NAA16: variants seen among roughly 807,000 people sequenced by gnomAD.
NAA16 encodes N-alpha-acetyltransferase 16, NatA auxiliary subunit.
Under a neutral mutation model 110.3 loss-of-function variants are expected in NAA16, and 97 were observed. The ratio of observed to expected loss-of-function variants is 0.88; its 90% CI spans 0.75 to 1.04. The LOEUF is 1.04. Among genes scored for constraint, NAA16 ranks in the 50% least tolerant of loss-of-function variants. The pLI is 0.00. For missense variants in NAA16, 1,017 were observed against 1,005.1 expected (o/e 1.01, Z -0.16); for synonymous variants, 372 against 330.6 (o/e 1.13, Z -1.36).
Position 41,358,836 on chromosome 13 carries a change from A to G in NAA16, c.1284A>G (p.Ala428=). The change falls in exon 12 of 20, where the codon GCA becomes GCG. Residue 428 remains alanine, a synonymous_variant. Transcript: ENST00000379406. ...ATATAGGTAATCTCAAAGAAGCTGC[A>G]AAGTGGATGGATGAAGCACAGTCTT... The part of the protein sequence containing the change: ...YKHIGNLKEA[A]KWMDEAQSLD... The G allele has an allele frequency of 6.2e-7, 1 of 1,606,514 alleles. No homozygotes were observed. The highest frequency in any genetic ancestry group is 8.5e-7 in the Non-Finnish European group (1 of 1,175,096).
At chr13:41,334,185 G>A (rs2042316189) in intron 8 of NAA16, among the ~76,000 whole-genome samples, 1 of 152,096 alleles carries the variant, frequency 6.6e-6, no homozygotes, top group Non-Finnish European at 1.5e-5. Context: ...CAAGAAACAT[G>A]ATGCATCTTG....
At chr13:41,364,089 G>A (rs2043164699) in intron 13 of NAA16, among the ~76,000 whole-genome samples, 1 of 151,958 alleles carries the variant, frequency 6.6e-6, no homozygotes, top group African/African-American at 2.4e-5. Flanking sequence ...GTAATTACAA[G>A]CTTCAGATTT....
chr13:41,371,911 T>C (rs2043326928), intron 15 of NAA16, among the ~76,000 whole-genome samples: 1 of 152,254 alleles, frequency 6.6e-6, no homozygotes, highest in African/African-American at 2.4e-5. Context: ...TAGGGGATTG[T>C]CATTACATGA....
In NAA16 at chr13:41,323,647, C is replaced by T. The variant is rs191518919; in HGVS notation, c.537+457C>T. Among the ~76,000 whole-genome samples the T allele has an allele frequency of 3.6e-3, 540 of 151,462 alleles. 1 individual carries two copies. Among genetic ancestry groups the T allele is most frequent in the African/African-American group, 0.012 (489 of 41,362 alleles). On this transcript the variant is annotated intron_variant, in intron 5 of 19. Coordinates refer to ENST00000379406, the MANE Select transcript of NAA16 (RefSeq NM_024561.5). Reference sequence around the variant, plus strand: ...GATTACAGGCGTGAGCCACCGCGCCCGGCCATTTTTTTTTTTTTTAAGAGA... The same window carrying T: ...GATTACAGGCGTGAGCCACCGCGCCTGGCCATTTTTTTTTTTTTTAAGAGA...
intron 14 of NAA16, 124 bp from the exon 15 acceptor site, chr13:41,368,966 T>G (rs1593529295): frequency 1.5e-6 from 1 of 682,100 alleles, no homozygotes. Flanking sequence ...TTTGTGGGGG[T>G]GGGGGTCATG....
At chr13:41,364,404 C>G (rs777186172) in intron 13 of NAA16, among the ~76,000 whole-genome samples, 1 of 152,028 alleles carries the variant, frequency 6.6e-6, no homozygotes, top group South Asian at 2.1e-4. Flanking sequence ...CATCCCCCCC[C>G]CATAAGATTT....
intron 1 of NAA16, among the ~76,000 whole-genome samples, chr13:41,313,661 C>T (rs973453380): frequency 6.6e-6 from 1 of 152,156 alleles, no homozygotes; most frequent in African/African-American, 2.4e-5. Flanking sequence ...ATCTGCATGT[C>T]TTATTCCCCA....
In NAA16 at chr13:41,372,315, A is replaced by G. The variant is rs2043338129; in HGVS notation, c.2056+4A>G. The G allele has an allele frequency of 1.3e-6, 2 of 1,569,794 alleles. No individual in the cohort carries two copies. The highest frequency in any genetic ancestry group is 8.6e-7 in the Non-Finnish European group (1 of 1,161,338). Reference sequence around the variant, plus strand: ...TTTGAAATATATTTTAGAAAAGGTAATAAATAGTTTGAGTTCAGTTTTTAA... The same window carrying G: ...TTTGAAATATATTTTAGAAAAGGTAGTAAATAGTTTGAGTTCAGTTTTTAA... On this transcript the variant is annotated splice_donor_region_variant and intron_variant, in intron 16 of 19. Transcript: ENST00000379406.
chr13:41,331,835 G>A (rs1426828493), intron 8 of NAA16, among the ~76,000 whole-genome samples: 4 of 152,082 alleles, frequency 2.6e-5, no homozygotes, highest in Non-Finnish European at 4.4e-5. Context: ...TAATCGAGGC[G>A]ATAGGTACCC....
chr13:41,370,404 A>G (rs2043291967), intron 15 of NAA16, among the ~76,000 whole-genome samples: 1 of 152,222 alleles, frequency 6.6e-6, no homozygotes, highest in Non-Finnish European at 1.5e-5. Flanking sequence ...TAAGGAAAAT[A>G]AGCGAACACC....
rs553007008 is a variant in NAA16 at position 41,368,786 on chromosome 13, C to T, written c.1754-304C>T. 3.3e-5 allele frequency among the ~76,000 whole-genome samples: 5 copies of T among 152,114 alleles called. No homozygotes were observed. In the South Asian group the frequency reaches 1.0e-3, roughly 32 times the overall value. On this transcript the variant is annotated intron_variant, in intron 14 of 19. Coordinates refer to ENST00000379406, the MANE Select transcript of NAA16 (RefSeq NM_024561.5). ...AGCATTTACATTATTTTAGGCATACCTATAGACCATAATATAATTTATGAA... is the reference window on the plus strand; with the variant it reads ...AGCATTTACATTATTTTAGGCATACTTATAGACCATAATATAATTTATGAA...
intron 8 of NAA16, among the ~76,000 whole-genome samples, chr13:41,335,616 A>G (rs1426110130): frequency 3.9e-5 from 6 of 152,164 alleles, no homozygotes. Context: ...TATTTTGTGT[A>G]TGATCTAATA....
At chr13:41,361,490 T>C (rs762263866) in intron 12 of NAA16, among the ~76,000 whole-genome samples, 27 of 152,266 alleles carry the variant, frequency 1.8e-4, no homozygotes, top group African/African-American at 2.7e-4. Flanking sequence ...ATGACTGCTT[T>C]CTTAAATAGT....
At chr13:41,312,759 C>G (rs569690226) in intron 1 of NAA16, among the ~76,000 whole-genome samples, 21 of 152,082 alleles carry the variant, frequency 1.4e-4, no homozygotes, top group Non-Finnish European at 2.6e-4. Flanking sequence ...CACACTTAGT[C>G]TTCAGATTAG....
intron 8 of NAA16, among the ~76,000 whole-genome samples, 164 bp from the exon 9 acceptor site, chr13:41,336,486 C>G (rs1386993284): frequency 6.6e-6 from 1 of 152,158 alleles, no homozygotes; most frequent in Non-Finnish European, 1.5e-5. Context: ...GTGCTAAATT[C>G]AGAATGGATA....
intron 9 of NAA16, among the ~76,000 whole-genome samples, chr13:41,350,852 T>G (rs1349817747): frequency 3.3e-5 from 5 of 152,150 alleles, no homozygotes; most frequent in Admixed American, 2.6e-4. Context: ...CTTGGGCTCC[T>G]GGGCTTAAGT....
At chr13:41,359,906 C>A (rs1459648357) in intron 12 of NAA16, among the ~76,000 whole-genome samples, 1 of 152,214 alleles carries the variant, frequency 6.6e-6, no homozygotes, top group African/African-American at 2.4e-5. Flanking sequence ...AAGAAGCATT[C>A]TTTATGCTTG....
At chr13:41,341,976 C>A (rs1027126074) in intron 9 of NAA16, among the ~76,000 whole-genome samples, 1 of 151,364 alleles carries the variant, frequency 6.6e-6, no homozygotes, top group South Asian at 2.1e-4. Flanking sequence ...GGACTACAGG[C>A]GCCCGCTACC....
chr13:41,313,472 G>C (rs1260347897), intron 1 of NAA16, among the ~76,000 whole-genome samples: 1 of 152,072 alleles, frequency 6.6e-6, no homozygotes, highest in African/African-American at 2.4e-5. Context: ...AATAAATGTG[G>C]GTAAAATTTG....
Sources: allele counts gnomAD v4.1 joint callset (sites outside exome capture counted in the v4.1 genomes callset), GRCh38; gene constraint gnomAD v4.1.1; transcripts MANE v1.5; gene names NCBI Gene and HGNC (gene_info 2026-07-23, HGNC 2026-07-21).